Variants in TMEM250 observed in about 807,000 individuals in gnomAD.
TMEM250 encodes the protein transmembrane protein 250, also known as herpes virus UL25-binding protein.
TMEM250 carries 7 observed loss-of-function variants against 7.0 expected under a neutral mutation model. The ratio of observed to expected loss-of-function variants is 1.00; its 90% CI spans 0.57 to 1.87. The LOEUF (loss-of-function observed/expected upper bound fraction) is 1.87, where lower values mean the gene tolerates loss of function less well. TMEM250 is among the 40% of genes most tolerant of loss of function. TMEM250 has a pLI of 0.00. For synonymous variants in TMEM250, 135 were observed against 96.7 expected, an observed-to-expected ratio of 1.40 and a Z score of -2.32; for missense variants, 196 against 202.5, an observed-to-expected ratio of 0.97 and a Z score of 0.19.
In TMEM250 at chr9:136,116,760, C is replaced by A. The variant is rs117582746; in HGVS notation, c.141G>T (p.Thr47=). 1 of 1,612,460 alleles carries A rather than the reference C, an allele frequency of 6.2e-7. No homozygotes were observed. Among genetic ancestry groups the A allele is most frequent in the South Asian group, 1.1e-5 (1 of 91,078 alleles). ...AGCGGATGAAGCCGTACAGCCAGCG[C>A]GTCTTGATGTACACGTCGAAGTTGT... ...KYNNFDVYIK[T]RWLYGFIRFL... is the part of the protein sequence containing the mutation. Residue 47 remains threonine (T), a synonymous_variant, in exon 2 of 2, where the codon ACG becomes ACT. Coordinates refer to ENST00000418388, the MANE Select transcript of TMEM250 (RefSeq NM_152833.3).
rs1830700009 is a variant in TMEM250, at chr9:136,116,359, G to A, written c.*122C>T. The stretch of plus-strand genomic sequence containing the variant: ...AGTCTCAGCCCTTTCTTTTCTCTCC[G>A]TGGGCGCCGGGCAGCAGCGACTGCC... On this transcript the variant is annotated 3_prime_UTR_variant, in exon 2 of 2. Coordinates refer to ENST00000418388, the MANE Select transcript of TMEM250 (RefSeq NM_152833.3). 5 of 1,432,646 alleles carry A rather than the reference G, an allele frequency of 3.5e-6. No homozygotes were observed. The highest frequency in any genetic ancestry group is 2.9e-5 in the African/African-American group (2 of 69,712). The allele number at this position is 1,432,646 out of a possible 1,614,324, so 88.7% of individuals were successfully genotyped here.
In TMEM250 at chr9:136,115,198, C is replaced by T. The variant is rs971291123; in HGVS notation, c.*1283G>A. On this transcript the variant is annotated 3_prime_UTR_variant, in exon 2 of 2. Transcript: ENST00000418388. Reference sequence around the variant, plus strand: ...TGTCCTGCTCTAGGGTAGCCTCTGCCTGTTGTCCTTGCAATCATTATTCAG... The same window carrying T: ...TGTCCTGCTCTAGGGTAGCCTCTGCTTGTTGTCCTTGCAATCATTATTCAG... The T allele has an allele frequency of 6.6e-6, 1 of 152,342 alleles. No homozygotes were observed. Among genetic ancestry groups the T allele is most frequent in the Non-Finnish European group, 1.5e-5 (1 of 68,140 alleles). 9.4% of individuals were successfully genotyped at this position (152,342 alleles called of 1,614,324 possible).
chr9:136,118,158 C>T (rs1277300272), intron 1 of TMEM250: 1 of 152,280 alleles, frequency 6.6e-6, no homozygotes. Context: ...TGGAGCTCGC[C>T]CCGGCCGGGA....
chr9:136,116,604 C>A lies in TMEM250; in HGVS notation c.297G>T (p.Leu99=). The A allele has an allele frequency of 6.2e-7, 1 of 1,606,154 alleles. No homozygotes were observed. The highest frequency in any genetic ancestry group is 1.1e-5 in the South Asian group (1 of 91,066). The change falls in exon 2 of 2, where the codon CTG becomes CTT. Residue 99 remains leucine (L), a synonymous_variant. Coordinates refer to ENST00000418388, the MANE Select transcript of TMEM250 (RefSeq NM_152833.3). ...RFQRKLSVLL[L]LLGRRRVDFR... Reference sequence around the variant, plus strand: ...AGTCCACGCGCCGGCGGCCCAGCAGCAGCAGCAGCACCGACAGCTTGCGCT... The same window carrying A: ...AGTCCACGCGCCGGCGGCCCAGCAGAAGCAGCAGCACCGACAGCTTGCGCT...
rs1278760159 is a variant in TMEM250, at chr9:136,116,940, G to A, written c.-40C>T. 2.1e-6 allele frequency: 3 copies of A among 1,419,414 alleles called. No individual in the cohort carries two copies. Among genetic ancestry groups the A allele is most frequent in the Non-Finnish European group, 2.7e-6 (3 of 1,095,330 alleles). The allele number at this position is 1,419,414 out of a possible 1,614,324, so 87.9% of individuals were successfully genotyped here. A position where few individuals can be genotyped will look rare whatever the true frequency, so the allele number is the denominator to read the frequency against. On this transcript the variant is annotated 5_prime_UTR_variant, in exon 2 of 2. Transcript: ENST00000418388. ...GGCGGCGCTAGGTCGCAGTGGCGGC[G>A]GCGGTGTCCAGGCGGCTGTTGGCGT...
chr9:136,115,141 G>A lies in TMEM250; in HGVS notation c.*1340C>T, dbSNP rs1381342829. 6.6e-6 allele frequency: 1 copy of A among 152,260 alleles called. No homozygotes were observed. The allele number at this position is 152,260 out of a possible 1,614,324, so 9.4% of individuals were successfully genotyped here. A position where few individuals can be genotyped will look rare whatever the true frequency, so the allele number is the denominator to read the frequency against. ...CCAGAGTGTGGGGACATGGATTTGA[G>A]GTGACACTAGGGTTGTCAGTACCAC... On this transcript the variant is annotated 3_prime_UTR_variant, in exon 2 of 2. Transcript: ENST00000418388.
At chr9:136,117,695 T>G (rs749598304) in intron 1 of TMEM250, among the ~76,000 whole-genome samples, 2 of 152,090 alleles carry the variant, frequency 1.3e-5, no homozygotes, top group Non-Finnish European at 2.9e-5. Flanking sequence ...CTCTGTCCAA[T>G]GGGGGTGCCA....
rs1409332648 is a variant in TMEM250, at chr9:136,115,092, T to C, written c.*1389A>G. 2.0e-5 allele frequency: 3 copies of C among 152,206 alleles called. No individual in the cohort carries two copies. The highest frequency in any genetic ancestry group is 1.9e-4 in the East Asian group (1 of 5,196). The allele number at this position is 152,206 out of a possible 1,614,324, so 9.4% of individuals were successfully genotyped here. On this transcript the variant is annotated 3_prime_UTR_variant, in exon 2 of 2. Transcript: ENST00000418388. ...TGGGCCACTGGTCCGCCTGACAGGG[T>C]AGGGTCACAAGTCCCACCCATGCCC...
rs557182008 is a variant in TMEM250, at chr9:136,114,920, G to A, written c.*1561C>T. 5 of 152,410 alleles carry A rather than the reference G, an allele frequency of 3.3e-5. No homozygotes were observed. Among genetic ancestry groups the A allele is most frequent in the Non-Finnish European group, 2.9e-5 (2 of 68,050 alleles). The allele number at this position is 152,410 out of a possible 1,614,324, so 9.4% of individuals were successfully genotyped here. On this transcript the variant is annotated 3_prime_UTR_variant, in exon 2 of 2. Coordinates refer to ENST00000418388, the MANE Select transcript of TMEM250 (RefSeq NM_152833.3). ...CCTACCTGCCCAGGGCGTGGACGCA[G>A]CCCGGGCTCATCAGAGGTCATCCAC...
In TMEM250 at chr9:136,115,574, G is replaced by GCCTCCATCTC. The variant is rs1830684535; in HGVS notation, c.*906_*907insGAGATGGAGG. ...CGCGTTTCCATCCTGGCTCACTGAA[G>GCCTCCATCTC]CCTCGATCTCCCAGGCTTTCTTTGA... On this transcript the variant is annotated 3_prime_UTR_variant, in exon 2 of 2. Coordinates refer to ENST00000418388, the MANE Select transcript of TMEM250 (RefSeq NM_152833.3). The GCCTCCATCTC allele has an allele frequency of 6.6e-6, 1 of 152,382 alleles. No individual in the cohort carries two copies. Among genetic ancestry groups the GCCTCCATCTC allele is most frequent in the Non-Finnish European group, 1.5e-5 (1 of 68,164 alleles). The allele number at this position is 152,382 out of a possible 1,614,324, so 9.4% of individuals were successfully genotyped here. A position where few individuals can be genotyped will look rare whatever the true frequency, so the allele number is the denominator to read the frequency against.
chr9:136,116,853 C>T lies in TMEM250; in HGVS notation c.48G>A (p.Pro16=). The T allele has an allele frequency of 6.3e-7, 1 of 1,593,010 alleles. No individual in the cohort carries two copies. The change falls in exon 2 of 2, where the codon CCG becomes CCA. Residue 16 remains proline (P), a synonymous_variant. Transcript: ENST00000418388. ...IPRRVRSFHG[P]HTTCLHAACG... is the part of the protein sequence containing the mutation. ...AGGCCGCATGCAGGCAGGTGGTGTGCGGGCCGTGGAAGGAGCGCACCCGCC... is the reference window on the plus strand; with the variant it reads ...AGGCCGCATGCAGGCAGGTGGTGTGTGGGCCGTGGAAGGAGCGCACCCGCC...
Position 136,116,543 on chromosome 9 carries a change from G to A in TMEM250, c.358C>T (p.His120Tyr), listed in dbSNP as rs1317070342. 2 of 1,594,630 alleles carry A rather than the reference G, an allele frequency of 1.3e-6. No individual in the cohort carries two copies. The highest frequency in any genetic ancestry group is 1.7e-6 in the Non-Finnish European group (2 of 1,178,036). Residue 120 changes from histidine (H) to tyrosine (Y), a missense_variant, in exon 2 of 2, where the codon CAC (histidine) becomes TAC (tyrosine). By Grantham distance (83) the His-to-Tyr change is moderately conservative. Coordinates refer to ENST00000418388, the MANE Select transcript of TMEM250 (RefSeq NM_152833.3). ...LVNELLVYGI[H>Y]VTMLLVGGLG... ...CCCCCGACCAGCAGCATGGTGACGT[G>A]GATGCCATAGACGAGCAGCTCGTTC...
chr9:136,116,871 C>A lies in TMEM250; in HGVS notation c.30G>T (p.Val10=). The A allele has an allele frequency of 6.4e-7, 1 of 1,560,298 alleles. No homozygotes were observed. Among genetic ancestry groups the A allele is most frequent in the Non-Finnish European group, 8.7e-7 (1 of 1,153,760 alleles). ...TGGTGTGCGGGCCGTGGAAGGAGCGCACCCGCCGCGGAATGGGCATGACCG... is the reference window on the plus strand; with the variant it reads ...TGGTGTGCGGGCCGTGGAAGGAGCGAACCCGCCGCGGAATGGGCATGACCG... MPVMPIPRR[V]RSFHGPHTTC... Residue 10 remains valine (V), a synonymous_variant, in exon 2 of 2, where the codon GTG becomes GTT. Coordinates refer to ENST00000418388, the MANE Select transcript of TMEM250 (RefSeq NM_152833.3).
chr9:136,117,592 G>A (rs1830734044), intron 1 of TMEM250, among the ~76,000 whole-genome samples: 1 of 152,240 alleles, frequency 6.6e-6, no homozygotes. Context: ...ACGGCTCGGG[G>A]GCCGTGGGGT....
At position 136,116,803 on chromosome 9, in the gene TMEM250, A is replaced by G. The variant is rs1279676220; in HGVS notation, c.98T>C (p.Leu33Pro). 5.6e-6 allele frequency: 9 copies of G among 1,610,828 alleles called. No homozygotes were observed. In the African/African-American group the frequency reaches 1.2e-4, roughly 22 times the overall value. ...GAAGTTGTTGTACTTGGTGCGGGCC[A>G]GGTGGGAGGCGCGCACGGGCCCGCA... ...AACGPVRASH[L>P]ARTKYNNFDV... Residue 33 changes from leucine to proline, a missense_variant, in exon 2 of 2, where the codon CTG (leucine) becomes CCG (proline). Leu to Pro is a moderately conservative substitution (Grantham distance 98). Coordinates refer to ENST00000418388, the MANE Select transcript of TMEM250 (RefSeq NM_152833.3).
chr9:136,118,731 TGGG>T lies in TMEM250; in HGVS notation c.-374_-372del, dbSNP rs1397546683. On this transcript the variant is annotated 5_prime_UTR_variant, in exon 1 of 2. Transcript: ENST00000418388. ...GCCGCCGGAGGCGTTTGGCCTAGCG[TGGG>T]AGCCGTAGCGCCGTCCCTCGACGGC... The T allele has an allele frequency of 2.0e-5, 3 of 152,070 alleles. No individual in the cohort carries two copies. Among genetic ancestry groups the T allele is most frequent in the African/African-American group, 4.8e-5 (2 of 41,418 alleles). The allele number at this position is 152,070 out of a possible 1,614,324, so 9.4% of individuals were successfully genotyped here. A position where few individuals can be genotyped will look rare whatever the true frequency, so the allele number is the denominator to read the frequency against.
chr9:136,116,903 G>C lies in TMEM250; in HGVS notation c.-3C>G. 6.6e-7 allele frequency: 1 copy of C among 1,510,090 alleles called. No individual in the cohort carries two copies. The highest frequency in any genetic ancestry group is 8.8e-7 in the Non-Finnish European group (1 of 1,134,782). The allele number at this position is 1,510,090 out of a possible 1,614,324, so 93.5% of individuals were successfully genotyped here. A position where few individuals can be genotyped will look rare whatever the true frequency, so the allele number is the denominator to read the frequency against. On this transcript the variant is annotated 5_prime_UTR_variant, in exon 2 of 2. Coordinates refer to ENST00000418388, the MANE Select transcript of TMEM250 (RefSeq NM_152833.3). ...CGCGGAATGGGCATGACCGGCATTGGGCCCCGGCGGCGGCGGCGCTAGGTC... is the reference window on the plus strand; with the variant it reads ...CGCGGAATGGGCATGACCGGCATTGCGCCCCGGCGGCGGCGGCGCTAGGTC...
rs577092771 is a variant in TMEM250 at position 136,116,078 on chromosome 9, C to A, written c.*403G>T. ...AGAAGGGGCTGTGCAGCCAGGAGGG[C>A]CCCCCTCCGGAATTGCTCCTGGGCA... On this transcript the variant is annotated 3_prime_UTR_variant, in exon 2 of 2. Coordinates refer to ENST00000418388, the MANE Select transcript of TMEM250 (RefSeq NM_152833.3). 4 of 416,666 alleles carry A rather than the reference C, an allele frequency of 9.6e-6. No homozygotes were observed. The South Asian group carries it at 2.8e-4, about 30-fold the overall frequency. The allele number at this position is 416,666 out of a possible 1,614,324, so 25.8% of individuals were successfully genotyped here. A position where few individuals can be genotyped will look rare whatever the true frequency, so the allele number is the denominator to read the frequency against.
At chr9:136,117,098 G>A (rs1326787732) in intron 1 of TMEM250, 74 bp from the exon 2 acceptor site, 1 of 899,556 alleles carries the variant, frequency 1.1e-6, no homozygotes, top group Admixed American at 4.3e-5. Context: ...ATCAGCTGGC[G>A]AAAGTGGACA....
Sources: gnomAD v4.1 joint callset for allele counts (sites outside exome capture counted in the v4.1 genomes callset) on GRCh38, gnomAD v4.1.1 for gene constraint, MANE v1.5 for transcripts, NCBI Gene and HGNC (gene_info 2026-07-23, HGNC 2026-07-21) for gene names.